The following CAB39 variants were observed in gnomAD, a reference collection of about 807,000 sequenced individuals.
CAB39 encodes calcium binding protein 39.
CAB39 carries 8 observed loss-of-function variants against 40.0 expected under a neutral mutation model. That is an observed-to-expected ratio of 0.20 (90% CI 0.12 to 0.36). CAB39 has a LOEUF of 0.36. Among genes scored for constraint, CAB39 ranks in the 10% least tolerant of loss-of-function variants. The probability of loss-of-function intolerance (pLI) is 1.00; values close to 1 mark genes in which losing one functional copy is unlikely to be tolerated. For synonymous variants in CAB39, 156 were observed against 141.6 expected (o/e 1.10, Z -0.72); for missense variants, 270 against 401.1 (o/e 0.67, Z 2.79).
Position 230,776,976 on chromosome 2 carries a change from C to T in CAB39, c.115-13896C>T, listed in dbSNP as rs762207373. On this transcript the variant is annotated intron_variant, in intron 2 of 8. Coordinates refer to ENST00000258418, the MANE Select transcript of CAB39 (RefSeq NM_016289.4). ...TGCTGAGATTACAGGCTTGAGCCAC[C>T]GCACCTGGCCTTTCATCCACTTTTT... 2.6e-5 allele frequency among the ~76,000 whole-genome samples: 4 copies of T among 152,300 alleles called. No homozygotes were observed. In the South Asian group the frequency reaches 6.2e-4, roughly 24 times the overall value.
chr2:230,752,033 C>CT (rs1274874246), intron 1 of CAB39: 3 of 78,046 alleles, frequency 3.8e-5, no homozygotes, highest in African/African-American at 1.6e-4. Flanking sequence ...CTGACCACCC[C>CT]CCCCCCCCCC....
At chr2:230,730,945 A>G (rs112885803) in intron 1 of CAB39, among the ~76,000 whole-genome samples, 3,043 of 152,306 alleles carry the variant, frequency 0.02, 96 homozygotes, top group African/African-American at 0.063. Flanking sequence ...TTATGTTTCA[A>G]ATGCTGCCCT....
At chr2:230,735,778 G>T (rs1458504987) in intron 1 of CAB39, among the ~76,000 whole-genome samples, 1 of 152,148 alleles carries the variant, frequency 6.6e-6, no homozygotes, top group African/African-American at 2.4e-5. Context: ...GCCTCCCAAA[G>T]TGCTGGGATT....
chr2:230,761,365 C>G (rs1384050888), intron 2 of CAB39, among the ~76,000 whole-genome samples: 1 of 152,132 alleles, frequency 6.6e-6, no homozygotes, highest in Non-Finnish European at 1.5e-5. Flanking sequence ...CACTTATTCA[C>G]ATGTAAGTAC....
chr2:230,795,224 C>T (rs145468261), intron 4 of CAB39, among the ~76,000 whole-genome samples: 4,889 of 150,422 alleles, frequency 0.033, 267 homozygotes, highest in African/African-American at 0.11. Context: ...TGCAGTGAGC[C>T]GAGATTGCGC....
At chr2:230,721,353 C>G (rs534541052) in intron 1 of CAB39, among the ~76,000 whole-genome samples, 28 of 152,272 alleles carry the variant, frequency 1.8e-4, no homozygotes, top group African/African-American at 6.3e-4. Context: ...ATCGCTTGAG[C>G]CCTGGGGGTG....
At chr2:230,754,417 C>G (rs1234599156) in intron 1 of CAB39, among the ~76,000 whole-genome samples, 1 of 145,590 alleles carries the variant, frequency 6.9e-6, no homozygotes, top group Non-Finnish European at 1.5e-5. Flanking sequence ...CCTTCTTCCC[C>G]TTTCCCTCCT....
At chr2:230,725,482 G>A (rs113366150) in intron 1 of CAB39, 28 of 1,235,332 alleles carry the variant, frequency 2.3e-5, no homozygotes, top group African/African-American at 9.0e-5. Flanking sequence ...GATACCTCCC[G>A]TTTAATCTTT....
chr2:230,715,801 C>T (rs1475816246), intron 1 of CAB39, among the ~76,000 whole-genome samples: 3 of 152,302 alleles, frequency 2.0e-5, no homozygotes, highest in Admixed American at 1.3e-4. Flanking sequence ...CTCCTGGGCT[C>T]AAGCCATCCT....
At position 230,782,809 on chromosome 2, in the gene CAB39, C is replaced by CTTTTTTTTTTTTTTT. The variant is rs1408052300; in HGVS notation, c.115-8060_115-8059insTTTTTTTTTTTTTTT. 1.5e-3 allele frequency among the ~76,000 whole-genome samples: 167 copies of CTTTTTTTTTTTTTTT among 112,372 alleles called. 6 individuals carry two copies. Among genetic ancestry groups the CTTTTTTTTTTTTTTT allele is most frequent in the Non-Finnish European group, 2.1e-3 (120 of 58,158 alleles). The allele number at this position is 112,372 out of a possible 152,430, so 73.7% of individuals were successfully genotyped here. A position where few individuals can be genotyped will look rare whatever the true frequency, so the allele number is the denominator to read the frequency against. ...CTGCTGTTTCTTTCTTTCTTTCTTT[C>CTTTTTTTTTTTTTTT]TTTCTTTTTTTTTTTTTTTTTTTGA... On this transcript the variant is annotated intron_variant, in intron 2 of 8. Transcript: ENST00000258418.
At position 230,725,044 on chromosome 2, in the gene CAB39, A is replaced by G. The variant is rs1226985188; in HGVS notation, c.-44+11814A>G. On this transcript the variant is annotated intron_variant, in intron 1 of 8. Transcript: ENST00000258418. ...CCGGAGTACGTCGGAGGTGAGTACA[A>G]CAATAGCAATCTTTTCCTTCGTAGA... 6 of 1,411,380 alleles carry G rather than the reference A, an allele frequency of 4.3e-6. No homozygotes were observed. The African/African-American group carries it at 4.3e-5, about 10-fold the overall frequency. 87.4% of individuals were successfully genotyped at this position (1,411,380 alleles called of 1,614,324 possible). A position where few individuals can be genotyped will look rare whatever the true frequency, so the allele number is the denominator to read the frequency against.
intron 2 of CAB39, among the ~76,000 whole-genome samples, chr2:230,766,273 G>T (rs999364416): frequency 6.6e-6 from 1 of 152,112 alleles, no homozygotes; most frequent in Non-Finnish European, 1.5e-5. Flanking sequence ...TAGAAATAAA[G>T]AATATACCTA....
At chr2:230,743,916 C>CTTT (rs1184035557) in intron 1 of CAB39, among the ~76,000 whole-genome samples, 71 of 127,696 alleles carry the variant, frequency 5.6e-4, no homozygotes, top group African/African-American at 1.9e-3. Context: ...ATACATGATA[C>CTTT]TTTTTTTTTT....
intron 1 of CAB39, among the ~76,000 whole-genome samples, chr2:230,728,537 A>T (rs1694628618): frequency 6.6e-6 from 1 of 152,098 alleles, no homozygotes; most frequent in Admixed American, 6.6e-5. Flanking sequence ...CTGAGCTCAG[A>T]GCAATCCACC....
At chr2:230,772,681 T>G (rs1245327883) in intron 2 of CAB39, among the ~76,000 whole-genome samples, 3 of 151,802 alleles carry the variant, frequency 2.0e-5, no homozygotes, top group African/African-American at 7.3e-5. Flanking sequence ...GAGACGGGGT[T>G]TCACCGTGTT....
At chr2:230,714,830 A>G (rs1694320502) in intron 1 of CAB39, among the ~76,000 whole-genome samples, 1 of 152,232 alleles carries the variant, frequency 6.6e-6, no homozygotes, top group Non-Finnish European at 1.5e-5. Context: ...TGTATTCGAA[A>G]TCTAGAATAT....
chr2:230,764,299 A>G (rs1313293527), intron 2 of CAB39, among the ~76,000 whole-genome samples: 2 of 152,152 alleles, frequency 1.3e-5, no homozygotes, highest in Non-Finnish European at 2.9e-5. Flanking sequence ...GATATTCCAC[A>G]CTTTATTATA....
intron 1 of CAB39, among the ~76,000 whole-genome samples, chr2:230,756,227 G>C (rs535588590): frequency 6.6e-6 from 1 of 152,216 alleles, no homozygotes. Flanking sequence ...AGAGTGTACA[G>C]TACTTACACA....
intron 2 of CAB39, among the ~76,000 whole-genome samples, chr2:230,773,764 A>T (rs1227983668): frequency 6.6e-6 from 1 of 152,156 alleles, no homozygotes; most frequent in Non-Finnish European, 1.5e-5. Context: ...TAACAAAAGG[A>T]TTCGAACTGA....
Sources: allele counts gnomAD v4.1 joint callset (sites outside exome capture counted in the v4.1 genomes callset), GRCh38; gene constraint gnomAD v4.1.1; transcripts MANE v1.5; gene names NCBI Gene and HGNC (gene_info 2026-07-23, HGNC 2026-07-21).